The following SLC25A24 variants were observed in gnomAD, a reference collection of about 807,000 sequenced individuals.
SLC25A24 encodes the protein mitochondrial adenyl nucleotide antiporter SLC25A24.
SLC25A24 carries 49 observed loss-of-function variants against 60.7 expected under a neutral mutation model. The observed-to-expected ratio is 0.81, with a 90% CI of 0.64 to 1.02. SLC25A24 has a LOEUF of 1.02. Among genes scored for constraint, SLC25A24 ranks in the 50% least tolerant of loss-of-function variants. SLC25A24 has a pLI of 0.00. For missense variants in SLC25A24, 564 were observed against 586.3 expected (o/e 0.96, Z 0.39); for synonymous variants, 202 against 200.6 (o/e 1.01, Z -0.06).
intron 1 of SLC25A24, among the ~76,000 whole-genome samples, chr1:108,186,523 T>C (rs115842449): frequency 0.017 from 2,600 of 151,980 alleles, 39 homozygotes; most frequent in Middle Eastern, 0.061. Flanking sequence ...ACCACTGCAT[T>C]CTAACCTGGT....
chr1:108,190,748 G>A lies in SLC25A24; in HGVS notation c.184-4794C>T, dbSNP rs547457497. Among the ~76,000 whole-genome samples the A allele has an allele frequency of 1.2e-3, 114 of 91,424 alleles. 19 individuals are homozygous for A. The highest frequency in any genetic ancestry group is 2.1e-3 in the Non-Finnish European group (85 of 40,250). The allele number at this position is 91,424 out of a possible 152,430, so 60.0% of individuals were successfully genotyped here. A position where few individuals can be genotyped will look rare whatever the true frequency, so the allele number is the denominator to read the frequency against. On this transcript the variant is annotated intron_variant, in intron 1 of 9. Coordinates refer to ENST00000565488, the MANE Select transcript of SLC25A24 (RefSeq NM_013386.5). The stretch of plus-strand genomic sequence containing the variant: ...GTCTATATAAACAAATTTTCCTACT[G>A]GGGAGGTGGAGACGTGTGGGAAGAG...
chr1:108,161,718 T>C (rs1025181634), intron 3 of SLC25A24, among the ~76,000 whole-genome samples: 1 of 152,346 alleles, frequency 6.6e-6, no homozygotes, highest in East Asian at 1.9e-4. Context: ...ACTCAAAACA[T>C]GCTATCAACT....
chr1:108,137,855 T>C (rs1679331857), intron 9 of SLC25A24, among the ~76,000 whole-genome samples: 1 of 152,238 alleles, frequency 6.6e-6, no homozygotes, highest in African/African-American at 2.4e-5. Flanking sequence ...ATGGTTATGA[T>C]GGTGAAATGA....
At chr1:108,149,738 T>C (rs1179795436) in intron 6 of SLC25A24, among the ~76,000 whole-genome samples, 1 of 152,180 alleles carries the variant, frequency 6.6e-6, no homozygotes, top group South Asian at 2.1e-4. Flanking sequence ...GACTCATGCA[T>C]GGAGAAGGGA....
intron 1 of SLC25A24, among the ~76,000 whole-genome samples, chr1:108,190,462 T>C (rs1648308908): frequency 6.6e-6 from 1 of 152,190 alleles, no homozygotes; most frequent in Non-Finnish European, 1.5e-5. Context: ...CATAACAGGC[T>C]GGTTTCCTGG....
chr1:108,166,028 G>A, intron 3 of SLC25A24, among the ~76,000 whole-genome samples: 1 of 151,440 alleles, frequency 6.6e-6, no homozygotes, highest in South Asian at 2.1e-4. Context: ...GTCTGTAAAG[G>A]ATTTTATTTC....
intron 6 of SLC25A24, among the ~76,000 whole-genome samples, chr1:108,149,562 T>C (rs567778348): frequency 4.6e-5 from 7 of 152,352 alleles, no homozygotes; most frequent in African/African-American, 1.7e-4. Context: ...TATTAATATA[T>C]GAATACACTA....
intron 4 of SLC25A24, among the ~76,000 whole-genome samples, chr1:108,158,981 C>T (rs1227359872): frequency 6.6e-6 from 1 of 151,980 alleles, no homozygotes; most frequent in Non-Finnish European, 1.5e-5. Context: ...CTAGCCTGGG[C>T]AACAGAGCAA....
At chr1:108,151,635 T>C (rs1336774390) in intron 6 of SLC25A24, among the ~76,000 whole-genome samples, 1 of 152,206 alleles carries the variant, frequency 6.6e-6, no homozygotes, top group Non-Finnish European at 1.5e-5. Flanking sequence ...GACTTATTCC[T>C]AGAATTCTTC....
chr1:108,142,141 G>A (rs575946579), intron 8 of SLC25A24, among the ~76,000 whole-genome samples: 19 of 152,150 alleles, frequency 1.2e-4, no homozygotes, highest in Non-Finnish European at 1.9e-4. Context: ...TAATAAGGAC[G>A]TGGAAAAACT....
chr1:108,136,573 T>C lies in SLC25A24; in HGVS notation c.*80A>G, dbSNP rs1679292685. ...AAATGCAGCTTCTTTTGCCATAGAC[T>C]TGTTTCAATTCGAGGAGAAAAAGTC... On this transcript the variant is annotated 3_prime_UTR_variant, in exon 10 of 10. Coordinates refer to ENST00000565488, the MANE Select transcript of SLC25A24 (RefSeq NM_013386.5). The C allele has an allele frequency of 8.0e-7, 1 of 1,251,826 alleles. No individual in the cohort carries two copies. The highest frequency in any genetic ancestry group is 1.1e-6 in the Non-Finnish European group (1 of 880,566). The allele number at this position is 1,251,826 out of a possible 1,614,324, so 77.5% of individuals were successfully genotyped here.
intron 6 of SLC25A24, among the ~76,000 whole-genome samples, chr1:108,153,364 T>C (rs1182064221): frequency 6.6e-6 from 1 of 152,196 alleles, no homozygotes; most frequent in Non-Finnish European, 1.5e-5. Flanking sequence ...AGTGACCTAG[T>C]TACATACTCT....
chr1:108,192,417 A>G, intron 1 of SLC25A24: 1 of 1,049,210 alleles, frequency 9.5e-7, no homozygotes, highest in South Asian at 1.6e-5. Context: ...CAACATGTAA[A>G]TTTTGCCCTC....
rs1571281418 is a variant in SLC25A24, at chr1:108,148,277, A to G, written c.930+2T>C. The G allele has an allele frequency of 6.5e-7, 1 of 1,549,238 alleles. No homozygotes were observed. The highest frequency in any genetic ancestry group is 1.1e-5 in the South Asian group (1 of 89,792). ...ACAGTCAGACTTGACAATGGTACTC[A>G]CCTCCATTGGATATATAAAAGTCTG... is the stretch of plus-strand genomic sequence containing the variant. On this transcript the variant is annotated splice_donor_variant, in intron 7 of 9. Transcript: ENST00000565488. LOFTEE classifies it high-confidence loss of function.
At chr1:108,151,784 A>G (rs1187332972) in intron 6 of SLC25A24, among the ~76,000 whole-genome samples, 1 of 152,206 alleles carries the variant, frequency 6.6e-6, no homozygotes, top group Admixed American at 6.5e-5. Flanking sequence ...TACATGTCCC[A>G]CACATCTCAA....
chr1:108,143,564 G>A lies in SLC25A24; in HGVS notation c.1077C>T (p.Gly359=), dbSNP rs1258478738. 4.3e-6 allele frequency: 7 copies of A among 1,612,546 alleles called. No individual in the cohort carries two copies. The African/African-American group carries it at 6.7e-5, about 15-fold the overall frequency. ...TCACCTCATACACAGCAAGATCTAT[G>A]CCTGCATAAGGTATGATACCTAATA... ...PNLLGIIPYA[G]IDLAVYELLK... Residue 359 remains glycine, a synonymous_variant, in exon 8 of 10, where the codon GGC becomes GGT. Coordinates refer to ENST00000565488, the MANE Select transcript of SLC25A24 (RefSeq NM_013386.5).
chr1:108,196,380 C>T (rs1648497168), intron 1 of SLC25A24, among the ~76,000 whole-genome samples: 1 of 152,162 alleles, frequency 6.6e-6, no homozygotes, highest in Non-Finnish European at 1.5e-5. Flanking sequence ...TCATATTCTG[C>T]AACATATGAC....
intron 4 of SLC25A24, among the ~76,000 whole-genome samples, chr1:108,159,610 C>T (rs1322101214): frequency 2.7e-4 from 41 of 151,594 alleles, no homozygotes; most frequent in African/African-American, 7.5e-4. Context: ...GAGGACCCTG[C>T]GGCCTTCCGC....
Position 108,199,960 on chromosome 1 carries a change from T to C in SLC25A24, c.179A>G (p.Glu60Gly), listed in dbSNP as rs762799775. 2.4e-5 allele frequency: 39 copies of C among 1,604,216 alleles called. No homozygotes were observed. The highest frequency in any genetic ancestry group is 3.4e-5 in the Admixed American group (2 of 59,028). ...GGCGCCCCGGCGGCGACCCACCTCC[T>C]CGGCGTCCTGGCCCAGAGGGATGCC... ...NLGIPLGQDAEEKIFTTGDVN... is the reference protein window; with the variant it reads ...NLGIPLGQDAGEKIFTTGDVN... The change falls in exon 1 of 10, where the codon GAG (glutamate) becomes GGG (glycine). Residue 60 changes from glutamate (E) to glycine (G), a missense_variant. Physicochemically the swap from Glu to Gly is moderately conservative, Grantham distance 98 (BLOSUM62 -2). Transcript: ENST00000565488.
Sources: allele counts gnomAD v4.1 joint callset (sites outside exome capture counted in the v4.1 genomes callset), GRCh38; gene constraint gnomAD v4.1.1; transcripts MANE v1.5; gene names NCBI Gene and HGNC (gene_info 2026-07-23, HGNC 2026-07-21).